Variants in FAN1 observed in about 807,000 individuals in gnomAD.
FAN1 encodes fanconi-associated nuclease 1.
In FAN1, 91 loss-of-function variants were observed where a neutral mutation model predicts 104.9. The ratio of observed to expected loss-of-function variants is 0.87; its 90% CI spans 0.73 to 1.03. The LOEUF (loss-of-function observed/expected upper bound fraction) is 1.03, where lower values mean the gene tolerates loss of function less well. Among genes scored for constraint, FAN1 ranks in the 50% least tolerant of loss-of-function variants. The probability of loss-of-function intolerance (pLI) is 0.00; values close to 1 mark genes in which losing one functional copy is unlikely to be tolerated. For missense variants in FAN1, 1,263 were observed against 1,239.9 expected (o/e 1.02, Z -0.28); for synonymous variants, 478 against 457.6 (o/e 1.04, Z -0.57).
chr15:30,931,801 G>A (rs2062717273), intron 13 of FAN1, among the ~76,000 whole-genome samples: 1 of 152,008 alleles, frequency 6.6e-6, no homozygotes, highest in African/African-American at 2.4e-5. Flanking sequence ...CTTGATTATT[G>A]TAGCTTTAGA....
chr15:30,919,434 T>TACA (rs373117828), intron 6 of FAN1, among the ~76,000 whole-genome samples: 22 of 148,708 alleles, frequency 1.5e-4, no homozygotes, highest in African/African-American at 4.5e-4. Context: ...CTCATGCCTG[T>TACA]AATCCCAGCA....
rs762862920 is a variant in FAN1 at position 30,925,836 on chromosome 15, T to A, written c.2385T>A (p.Ser795=). 7 of 1,614,118 alleles carry A rather than the reference T, an allele frequency of 4.3e-6. No individual in the cohort carries two copies. The highest frequency in any genetic ancestry group is 1.1e-5 in the South Asian group (1 of 91,092). The change falls in exon 10 of 15, where the codon TCT becomes TCA. Residue 795 remains serine (S), a synonymous_variant. Coordinates refer to ENST00000362065, the MANE Select transcript of FAN1 (RefSeq NM_014967.5). The part of the protein sequence containing the change: ...RLCPQRGMCK[S]VFVMEAGEAA... ...GCCCACAGCGTGGGATGTGCAAGTC[T>A]GTGTTTGTGATGGAGGCCGGGGAGG...
chr15:30,906,675 C>T (rs765250358), intron 2 of FAN1, among the ~76,000 whole-genome samples: 7 of 152,158 alleles, frequency 4.6e-5, no homozygotes, highest in Non-Finnish European at 1.0e-4. Context: ...AAATCCTGAA[C>T]ATTACTATTG....
At chr15:30,913,794 T>C in intron 4 of FAN1, 64 bp from the exon 5 acceptor site, 3 of 1,043,128 alleles carry the variant, frequency 2.9e-6, no homozygotes, top group South Asian at 1.5e-5. Flanking sequence ...GAAAATAATT[T>C]GTAAAATCTG....
rs760511466 is a variant in FAN1 at position 30,904,982 on chromosome 15, A to G, written c.319A>G (p.Thr107Ala). ...ACCTAAGAAGTCACCACCACCAAAG[A>G]CAAATTTAACCCCTGGCCAAAGTGA... The part of the protein sequence containing the change: ...VTPKKSPPPK[T>A]NLTPGQSDSA... The change falls in exon 2 of 15, where the codon ACA becomes GCA. Residue 107 changes from threonine (T) to alanine (A), a missense_variant. Coordinates refer to ENST00000362065, the MANE Select transcript of FAN1 (RefSeq NM_014967.5). The G allele has an allele frequency of 3.1e-6, 5 of 1,613,962 alleles. No individual in the cohort carries two copies. The East Asian group carries it at 1.1e-4, about 36-fold the overall frequency.
chr15:30,930,479 C>G (rs2062678379), intron 12 of FAN1, 64 bp from the exon 13 acceptor site: 1 of 1,536,292 alleles, frequency 6.5e-7, no homozygotes, highest in Non-Finnish European at 8.7e-7. Flanking sequence ...CTCGTGATCC[C>G]TGGAGCCTAT....
intron 5 of FAN1, among the ~76,000 whole-genome samples, 160 bp downstream of exon 5, chr15:30,914,251 G>A (rs2062157005): frequency 6.6e-6 from 1 of 152,168 alleles, no homozygotes; most frequent in South Asian, 2.1e-4. Flanking sequence ...TATGACTATA[G>A]GGAAAATGTA....
At position 30,918,282 on chromosome 15, in the gene FAN1, C is replaced by T. The variant is rs1224709107; in HGVS notation, c.1930C>T (p.His644Tyr). ...AKRDWNRLKN[H>Y]PSLRCHEDLP... ...AAGGGATTGGAACAGACTGAAAAACCACCCTTCTCTGAGGTGAGAGTTTTT... is the reference window on the plus strand; with the variant it reads ...AAGGGATTGGAACAGACTGAAAAACTACCCTTCTCTGAGGTGAGAGTTTTT... Residue 644 changes from histidine to tyrosine, a missense_variant, in exon 6 of 15, where the codon CAC (histidine) becomes TAC (tyrosine). Transcript: ENST00000362065. 1 of 1,613,974 alleles carries T rather than the reference C, an allele frequency of 6.2e-7. No homozygotes were observed. Among genetic ancestry groups the T allele is most frequent in the Non-Finnish European group, 8.5e-7 (1 of 1,180,020 alleles).
chr15:30,942,276 T>A lies in FAN1; in HGVS notation c.*714T>A. 1.5e-6 allele frequency: 1 copy of A among 657,808 alleles called. No homozygotes were observed. The highest frequency in any genetic ancestry group is 2.5e-6 in the Non-Finnish European group (1 of 393,832). 40.7% of individuals were successfully genotyped at this position (657,808 alleles called of 1,614,324 possible). A position where few individuals can be genotyped will look rare whatever the true frequency, so the allele number is the denominator to read the frequency against. The stretch of plus-strand genomic sequence containing the variant: ...TTATGTGTTGACTCTACCTAGGCTG[T>A]TACTATCAGCCTGAATGGGGGCGGG... On this transcript the variant is annotated 3_prime_UTR_variant, in exon 15 of 15. Coordinates refer to ENST00000362065, the MANE Select transcript of FAN1 (RefSeq NM_014967.5).
rs745563492 is a variant in FAN1, at chr15:30,941,944, G to C, written c.*382G>C. The C allele has an allele frequency of 8.1e-6, 13 of 1,613,976 alleles. No homozygotes were observed. Among genetic ancestry groups the C allele is most frequent in the Non-Finnish European group, 1.0e-5 (12 of 1,179,884 alleles). Reference sequence around the variant, plus strand: ...GCTCCGTATCACTGTTCTGGCTGTCGGTTTGCTGAGCTGGATCTGGCTTTG... The same window carrying C: ...GCTCCGTATCACTGTTCTGGCTGTCCGTTTGCTGAGCTGGATCTGGCTTTG... On this transcript the variant is annotated 3_prime_UTR_variant, in exon 15 of 15. Coordinates refer to ENST00000362065, the MANE Select transcript of FAN1 (RefSeq NM_014967.5).
chr15:30,910,688 T>C lies in FAN1; in HGVS notation c.1450T>C (p.Phe484Leu). The C allele has an allele frequency of 4.3e-6, 7 of 1,614,050 alleles. No homozygotes were observed. The highest frequency in any genetic ancestry group is 5.9e-6 in the Non-Finnish European group (7 of 1,179,950). Residue 484 changes from phenylalanine (F) to leucine (L), a missense_variant, in exon 4 of 15, where the codon TTC becomes CTC. Physicochemically the swap from Phe to Leu is conservative, Grantham distance 22. Around this residue, in one of 2 missense-constraint regions of FAN1, gnomAD observed 682 missense variants for 571.1 expected, o/e 1.19. Coordinates refer to ENST00000362065, the MANE Select transcript of FAN1 (RefSeq NM_014967.5). ...TGAACTAAAATCCCTAGCCAAGACC[T>C]TCCACTTGGTGAATCCCAATGGACA... ...APELKSLAKTFHLVNPNGQKQ... is the reference protein window; with the variant it reads ...APELKSLAKTLHLVNPNGQKQ...
At chr15:30,925,018 T>C (rs2140934965) in intron 8 of FAN1, 109 bp from the exon 9 acceptor site, 1 of 1,175,964 alleles carries the variant, frequency 8.5e-7, no homozygotes, top group South Asian at 1.5e-5. Context: ...GCTCATTTGC[T>C]AATCAGCAAA....
At position 30,904,646 on chromosome 15, in the gene FAN1, CCAGT is replaced by C. The variant is rs1566905025; in HGVS notation, c.-17_-14del. 1 of 1,607,858 alleles carries C rather than the reference CCAGT, an allele frequency of 6.2e-7. No homozygotes were observed. The highest frequency in any genetic ancestry group is 1.3e-5 in the African/African-American group (1 of 74,522). On this transcript the variant is annotated 5_prime_UTR_variant, in exon 2 of 15. It removes the in-frame stop codon of an upstream open reading frame in the 5' UTR. Transcript: ENST00000362065. ...TCCTGTGTTTTATTGCTCAGAACAT[CCAGT>C]TTTTCTAATACTCATGATGTCAGAA... is the stretch of plus-strand genomic sequence containing the variant.
rs2063081429 is a variant in FAN1, at chr15:30,942,302, A to T, written c.*740A>T. ...TACTATCAGCCTGAATGGGGGCGGG[A>T]TGAGAGTACCTCCTATCCACTAATT... On this transcript the variant is annotated 3_prime_UTR_variant, in exon 15 of 15. Transcript: ENST00000362065. 3.4e-6 allele frequency: 2 copies of T among 592,384 alleles called. No individual in the cohort carries two copies. Among genetic ancestry groups the T allele is most frequent in the Admixed American group, 6.3e-5 (2 of 31,836 alleles). 36.7% of individuals were successfully genotyped at this position (592,384 alleles called of 1,614,324 possible).
intron 14 of FAN1, among the ~76,000 whole-genome samples, 200 bp downstream of exon 14, chr15:30,937,459 T>C (rs2062890794): frequency 2.7e-5 from 4 of 146,056 alleles, no homozygotes; most frequent in East Asian, 2.0e-4. Flanking sequence ...TTTTTTTTTT[T>C]TTTTTTTTTT....
intron 3 of FAN1, among the ~76,000 whole-genome samples, chr15:30,909,607 C>T (rs2062054439): frequency 6.6e-6 from 1 of 152,242 alleles, no homozygotes; most frequent in Non-Finnish European, 1.5e-5. Flanking sequence ...CACCGTGGCA[C>T]TCAGTCAAGT....
chr15:30,938,015 TCTA>T (rs1398647476), intron 14 of FAN1, among the ~76,000 whole-genome samples: 3 of 151,594 alleles, frequency 2.0e-5, no homozygotes, highest in Non-Finnish European at 4.4e-5. Flanking sequence ...GAAACCCATC[TCTA>T]CTAAAAATAC....
chr15:30,913,874 G>A lies in FAN1; in HGVS notation c.1594G>A (p.Gly532Arg), dbSNP rs763429273. The A allele has an allele frequency of 1.9e-6, 3 of 1,611,948 alleles. No homozygotes were observed. Among genetic ancestry groups the A allele is most frequent in the South Asian group, 2.2e-5 (2 of 90,702 alleles). ...VILKRAKALAGQSVRICKGPR... is the reference protein window; with the variant it reads ...VILKRAKALARQSVRICKGPR... ...ATTTTTCAGAGCCAAAGCCTTGGCT[G>A]GACAGTCAGTACGAATCTGTAAAGG... The change falls in exon 5 of 15, where the codon GGA becomes AGA. Residue 532 changes from glycine (G) to arginine (R), a missense_variant. Gly to Arg is a moderately radical substitution (Grantham distance 125). Coordinates refer to ENST00000362065, the MANE Select transcript of FAN1 (RefSeq NM_014967.5).
intron 10 of FAN1, 43 bp downstream of exon 10, chr15:30,925,982 G>C (rs1173148711): frequency 6.2e-7 from 1 of 1,604,740 alleles, no homozygotes; most frequent in Non-Finnish European, 8.5e-7. Flanking sequence ...GCCCCGGGTG[G>C]ACGAGCAGCA....
Sources: allele counts gnomAD v4.1 joint callset (sites outside exome capture counted in the v4.1 genomes callset), GRCh38; gene constraint gnomAD v4.1.1; regional missense constraint gnomAD v4.1.1; transcripts MANE v1.5; gene names NCBI Gene and HGNC (gene_info 2026-07-23, HGNC 2026-07-21).